The following CDH12 variants were observed in gnomAD, a reference collection of about 807,000 sequenced individuals.
CDH12 encodes the protein cadherin-12.
In CDH12, 41 loss-of-function variants were observed where a neutral mutation model predicts 74.1. The observed-to-expected ratio is 0.55, with a 90% confidence interval of 0.43 to 0.72. The LOEUF is 0.72. Ranked by LOEUF, CDH12 falls within the 30% of genes least tolerant of loss-of-function variation. The pLI, the probability that CDH12 is intolerant of heterozygous loss-of-function variation, is 0.00. For synonymous variants in CDH12, 399 were observed against 355.0 expected (o/e 1.12, Z -1.39); for missense variants, 945 against 977.2 (o/e 0.97, Z 0.44).
intron 3 of CDH12, among the ~76,000 whole-genome samples, chr5:22,287,961 T>C (rs1399097586): frequency 1.3e-5 from 2 of 152,176 alleles, no homozygotes; most frequent in African/African-American, 4.8e-5. Flanking sequence ...TTAGCACACA[T>C]TTGAATTGTT....
chr5:22,121,317 G>A (rs1410597245), intron 4 of CDH12, among the ~76,000 whole-genome samples: 2 of 152,152 alleles, frequency 1.3e-5, no homozygotes, highest in Admixed American at 6.5e-5. Flanking sequence ...ATGTTTGCAA[G>A]CAGCCCGCTT....
intron 4 of CDH12, among the ~76,000 whole-genome samples, chr5:22,197,213 A>AG (rs1285483829): frequency 2.0e-5 from 3 of 152,054 alleles, no homozygotes; most frequent in Non-Finnish European, 4.4e-5. Context: ...GGGAGGCCAA[A>AG]GGGGGAGGAT....
At position 21,942,318 on chromosome 5, in the gene CDH12, CTA is replaced by C. The variant is rs1200417536; in HGVS notation, c.526+32771_526+32772del. ...AGTTGGTAGTAATGTGCTCCAGCCA[CTA>C]TGAGACAAATACAGTATATATATAT... On this transcript the variant is annotated intron_variant, in intron 6 of 14. Coordinates refer to ENST00000382254, the MANE Select transcript of CDH12 (RefSeq NM_004061.5). Among the ~76,000 whole-genome samples the C allele has an allele frequency of 3.5e-5, 5 of 142,448 alleles. No individual in the cohort carries two copies. The South Asian group carries it at 6.5e-4, about 18-fold the overall frequency. 93.5% of individuals were successfully genotyped at this position (142,448 alleles called of 152,430 possible). A position where few individuals can be genotyped will look rare whatever the true frequency, so the allele number is the denominator to read the frequency against.
intron 1 of CDH12, among the ~76,000 whole-genome samples, chr5:22,542,209 G>A (rs189529869): frequency 1.4e-4 from 21 of 152,210 alleles, no homozygotes; most frequent in African/African-American, 3.4e-4. Flanking sequence ...CTTTCCTAGC[G>A]TTAAGTTCTG....
In CDH12 at chr5:21,892,525, GCTTTTTT is replaced by G. The variant is rs371077969; in HGVS notation, c.527-37742_527-37736del. 5.4e-3 allele frequency among the ~76,000 whole-genome samples: 824 copies of G among 152,188 alleles called. 11 individuals carry two copies. The highest frequency in any genetic ancestry group is 0.019 in the African/African-American group (794 of 41,526). On this transcript the variant is annotated intron_variant, in intron 6 of 14. Transcript: ENST00000382254. ...TTAATTTGGATTGTAAAAGAAATAAGCTTTTTTCTTCTAGTCTAATTTTATTCACTAG... is the reference window on the plus strand; with the variant it reads ...TTAATTTGGATTGTAAAAGAAATAAGCTTCTAGTCTAATTTTATTCACTAG...
At chr5:22,287,691 C>T (rs1321365500) in intron 3 of CDH12, among the ~76,000 whole-genome samples, 1 of 140,902 alleles carries the variant, frequency 7.1e-6, no homozygotes, top group Non-Finnish European at 1.5e-5. Context: ...CCACTGCAAT[C>T]CTGCCTGGGC....
rs147908762 is a variant in CDH12 at position 22,467,441 on chromosome 5, T to C, written c.-428+37829A>G. Among the ~76,000 whole-genome samples, 489 of 152,296 alleles carry C rather than the reference T, an allele frequency of 3.2e-3. 3 individuals carry two copies. Among genetic ancestry groups the C allele is most frequent in the African/African-American group, 0.011 (477 of 41,574 alleles). On this transcript the variant is annotated intron_variant, in intron 2 of 14. Transcript: ENST00000382254. The stretch of plus-strand genomic sequence containing the variant: ...TGATGAAATCAACTAAGAGTTCTCT[T>C]CCCACATCCTGTCACTCTCTGTCTG...
intron 1 of CDH12, among the ~76,000 whole-genome samples, chr5:22,640,315 T>G (rs77640113): frequency 6.6e-6 from 1 of 152,222 alleles, no homozygotes; most frequent in Non-Finnish European, 1.5e-5. Context: ...AAATAGCAAG[T>G]GATTTCAGAA....
At chr5:22,684,639 A>G (rs975014553) in intron 1 of CDH12, among the ~76,000 whole-genome samples, 2 of 152,222 alleles carry the variant, frequency 1.3e-5, no homozygotes, top group African/African-American at 4.8e-5. Flanking sequence ...GAAATCTCTC[A>G]AAGAAATGTC....
At chr5:22,620,600 A>G (rs1456478876) in intron 1 of CDH12, among the ~76,000 whole-genome samples, 3 of 152,092 alleles carry the variant, frequency 2.0e-5, no homozygotes, top group Non-Finnish European at 4.4e-5. Flanking sequence ...TAGTTCATAT[A>G]TTTCTTTCTT....
chr5:21,969,152 GA>G (rs377353629), intron 6 of CDH12, among the ~76,000 whole-genome samples: 2,034 of 137,184 alleles, frequency 0.015, 30 homozygotes, highest in South Asian at 0.067. Context: ...AAATCTAAAA[GA>G]AAAAAAAAAA....
chr5:22,072,651 G>A (rs1004811458), intron 5 of CDH12, among the ~76,000 whole-genome samples: 6 of 151,640 alleles, frequency 4.0e-5, no homozygotes, highest in African/African-American at 4.8e-5. Flanking sequence ...GTATACATGT[G>A]CCATGTTGGT....
intron 6 of CDH12, among the ~76,000 whole-genome samples, chr5:21,920,666 G>T (rs1754309563): frequency 3.9e-5 from 1 of 25,370 alleles, no homozygotes; most frequent in African/African-American, 5.9e-5. Context: ...AGAACTTAAA[G>T]TATGATAATA....
chr5:22,623,165 T>C (rs1166258878), intron 1 of CDH12, among the ~76,000 whole-genome samples: 1 of 152,204 alleles, frequency 6.6e-6, no homozygotes. Flanking sequence ...TGATGGGACG[T>C]ATCTCAAAAC....
intron 1 of CDH12, among the ~76,000 whole-genome samples, chr5:22,713,744 C>G (rs1743421889): frequency 6.6e-6 from 1 of 151,990 alleles, no homozygotes; most frequent in South Asian, 2.1e-4. Flanking sequence ...TGTTATTAAA[C>G]ACATTATTTT....
Position 22,836,223 on chromosome 5 carries a change from C to CTT in CDH12, c.-523+16833_-523+16834dup, listed in dbSNP as rs61616737. Among the ~76,000 whole-genome samples, 32 of 65,498 alleles carry CTT rather than the reference C, an allele frequency of 4.9e-4. 5 individuals are homozygous for CTT. Among genetic ancestry groups the CTT allele is most frequent in the South Asian group, 1.5e-3 (2 of 1,360 alleles). 43.0% of individuals were successfully genotyped at this position (65,498 alleles called of 152,430 possible). A position where few individuals can be genotyped will look rare whatever the true frequency, so the allele number is the denominator to read the frequency against. On this transcript the variant is annotated intron_variant, in intron 1 of 14. Coordinates refer to ENST00000382254, the MANE Select transcript of CDH12 (RefSeq NM_004061.5). ...TTTTTTTCTTTTTTTCTTTCTTTCT[C>CTT]TTTTTTTTTTTTTTTTTTGAGACAG... is the stretch of plus-strand genomic sequence containing the variant.
intron 6 of CDH12, among the ~76,000 whole-genome samples, chr5:21,932,016 C>T (rs1754863039): frequency 2.0e-5 from 3 of 152,140 alleles, no homozygotes; most frequent in Non-Finnish European, 2.9e-5. Flanking sequence ...TTTATAATCA[C>T]GGCATTTTAA....
At chr5:22,671,480 G>T (rs1412251816) in intron 1 of CDH12, among the ~76,000 whole-genome samples, 1 of 152,068 alleles carries the variant, frequency 6.6e-6, no homozygotes, top group Non-Finnish European at 1.5e-5. Flanking sequence ...GGATAGTCCT[G>T]CTTAGTGTAA....
chr5:22,659,804 G>GT (rs1488899926), intron 1 of CDH12, among the ~76,000 whole-genome samples: 1 of 151,820 alleles, frequency 6.6e-6, no homozygotes, highest in Non-Finnish European at 1.5e-5. Flanking sequence ...TAAAATTTAA[G>GT]TTGCAGCCAT....
Sources: gnomAD v4.1 joint callset for allele counts (sites outside exome capture counted in the v4.1 genomes callset) on GRCh38, gnomAD v4.1.1 for gene constraint, MANE v1.5 for transcripts, NCBI Gene and HGNC (gene_info 2026-07-23, HGNC 2026-07-21) for gene names.